Variants in NCKAP5 observed in about 807,000 individuals in gnomAD.
NCKAP5 encodes the protein nck-associated protein 5.
NCKAP5 carries 92 observed loss-of-function variants against 167.0 expected under a neutral mutation model. The observed-to-expected ratio is 0.55, with a 90% CI of 0.47 to 0.66. The LOEUF is 0.66. NCKAP5 is among the 30% of genes least tolerant of loss of function. NCKAP5 has a pLI of 0.00. For missense variants in NCKAP5, 2,378 were observed against 2,315.0 expected (o/e 1.03, Z -0.56); for synonymous variants, 891 against 877.4 (o/e 1.02, Z -0.27).
chr2:133,537,355 G>A (rs866913611), intron 2 of NCKAP5, among the ~76,000 whole-genome samples: 1 of 152,024 alleles, frequency 6.6e-6, no homozygotes, highest in African/African-American at 2.4e-5. Context: ...AAATCCAACT[G>A]GGAGATTGCA....
chr2:133,583,814 C>T, the NCKAP5 span, among the ~76,000 whole-genome samples: 2 of 151,986 alleles, frequency 1.3e-5, no homozygotes, highest in Non-Finnish European at 2.9e-5. Flanking sequence ...AATGTAGTGG[C>T]GCGATCTCAG....
intron 3 of NCKAP5, among the ~76,000 whole-genome samples, chr2:133,440,372 C>A (rs912934894): frequency 6.6e-6 from 1 of 152,074 alleles, no homozygotes; most frequent in African/African-American, 2.4e-5. Flanking sequence ...AGTAGGAGCT[C>A]CATCCACAGT....
chr2:132,785,395 T>C lies in NCKAP5; in HGVS notation c.1416A>G (p.Leu472=). ...KEPHKTFVYD[L]DSHVDADDDP... ...CATCGTCCGCATCAACGTGGGAATC[T>C]AGATCATAAACAAATGTCTTGTGGG... Residue 472 remains leucine, a synonymous_variant, in exon 14 of 20, where the codon CTA becomes CTG. Coordinates refer to ENST00000409261, the MANE Select transcript of NCKAP5 (RefSeq NM_207363.3). 2 of 1,613,980 alleles carry C rather than the reference T, an allele frequency of 1.2e-6. No homozygotes were observed. The highest frequency in any genetic ancestry group is 2.2e-5 in the East Asian group (1 of 44,880).
At chr2:133,124,005 G>A (rs1196671703) in intron 6 of NCKAP5, among the ~76,000 whole-genome samples, 1 of 152,160 alleles carries the variant, frequency 6.6e-6, no homozygotes, top group African/African-American at 2.4e-5. Flanking sequence ...ATGAATGAAC[G>A]AGTTAAGCGG....
At chr2:133,003,965 A>G (rs2077873795) in intron 6 of NCKAP5, among the ~76,000 whole-genome samples, 1 of 152,210 alleles carries the variant, frequency 6.6e-6, no homozygotes, top group Non-Finnish European at 1.5e-5. Flanking sequence ...AGGGAAGCAG[A>G]GATGGGCACT....
At chr2:133,147,468 G>T (rs1218950804) in intron 5 of NCKAP5, among the ~76,000 whole-genome samples, 1 of 152,122 alleles carries the variant, frequency 6.6e-6, no homozygotes, top group Non-Finnish European at 1.5e-5. Context: ...AATAATTGTT[G>T]AATGATATGA....
intron 8 of NCKAP5, among the ~76,000 whole-genome samples, chr2:132,915,307 C>A (rs1250648127): frequency 6.6e-6 from 1 of 151,980 alleles, no homozygotes; most frequent in East Asian, 1.9e-4. Flanking sequence ...TGCTGCATGG[C>A]CTGACCTGGT....
intron 6 of NCKAP5, among the ~76,000 whole-genome samples, chr2:133,094,321 A>G (rs796087263): frequency 5.3e-5 from 8 of 152,310 alleles, no homozygotes; most frequent in African/African-American, 1.9e-4. Context: ...AGGGAGCCGG[A>G]GGGTTTGATC....
intron 3 of NCKAP5, among the ~76,000 whole-genome samples, chr2:133,403,739 A>G (rs1461321824): frequency 6.6e-6 from 1 of 152,212 alleles, no homozygotes; most frequent in African/African-American, 2.4e-5. Context: ...TCCAAGTCCC[A>G]TCTCATTCCA....
At chr2:133,670,850 G>C in the NCKAP5 span, among the ~76,000 whole-genome samples, 1 of 152,164 alleles carries the variant, frequency 6.6e-6, no homozygotes, top group Non-Finnish European at 1.5e-5. Flanking sequence ...GTTCCTGCCA[G>C]AGGTGTCAGG....
intron 4 of NCKAP5, among the ~76,000 whole-genome samples, chr2:133,215,713 TA>T (rs562094868): frequency 2.0e-4 from 31 of 152,138 alleles, no homozygotes; most frequent in Non-Finnish European, 3.5e-4. Flanking sequence ...CAGAAGCAAG[TA>T]CAAAATGTAT....
chr2:132,786,268 A>G (rs1683560944), intron 13 of NCKAP5, among the ~76,000 whole-genome samples: 1 of 152,218 alleles, frequency 6.6e-6, no homozygotes, highest in Admixed American at 6.5e-5. Flanking sequence ...GAATGACTAG[A>G]AGATGATATG....
At chr2:133,381,113 C>A (rs1237829013) in intron 3 of NCKAP5, among the ~76,000 whole-genome samples, 1 of 152,178 alleles carries the variant, frequency 6.6e-6, no homozygotes, top group South Asian at 2.1e-4. Context: ...CTTGTTTTAA[C>A]CATCAGATAG....
chr2:132,749,409 G>T (rs1006000560), intron 16 of NCKAP5, among the ~76,000 whole-genome samples: 7 of 152,054 alleles, frequency 4.6e-5, no homozygotes, highest in African/African-American at 1.7e-4. Context: ...TTGTCATATT[G>T]CCCAGGCTGG....
chr2:133,585,389 A>T, the NCKAP5 span, among the ~76,000 whole-genome samples: 24 of 152,234 alleles, frequency 1.6e-4, no homozygotes, highest in Admixed American at 4.6e-4. Context: ...TCACTTAATG[A>T]CACAGATCAA....
At chr2:133,599,725 C>T in the NCKAP5 span, among the ~76,000 whole-genome samples, 1 of 152,198 alleles carries the variant, frequency 6.6e-6, no homozygotes, top group African/African-American at 2.4e-5. Flanking sequence ...GGGAGGCACA[C>T]CGAAGCCCTT....
intron 3 of NCKAP5, among the ~76,000 whole-genome samples, chr2:133,377,176 C>T (rs1486012641): frequency 6.6e-6 from 1 of 152,156 alleles, no homozygotes; most frequent in Admixed American, 6.5e-5. Flanking sequence ...ACCAGACACC[C>T]ATATACAGCT....
chr2:133,362,304 C>A (rs1026063637), intron 3 of NCKAP5, among the ~76,000 whole-genome samples: 1 of 152,172 alleles, frequency 6.6e-6, no homozygotes, highest in Admixed American at 6.5e-5. Context: ...GGGAGATCAG[C>A]AAACTGCTTT....
intron 19 of NCKAP5, among the ~76,000 whole-genome samples, chr2:132,720,904 A>G (rs540674623): frequency 6.6e-6 from 1 of 152,146 alleles, no homozygotes; most frequent in African/African-American, 2.4e-5. Context: ...TCAGCTACTC[A>G]GGAGGCTGAA....
Sources: gnomAD v4.1 joint callset for allele counts (sites outside exome capture counted in the v4.1 genomes callset) on GRCh38, gnomAD v4.1.1 for gene constraint, MANE v1.5 for transcripts, NCBI Gene and HGNC (gene_info 2026-07-23, HGNC 2026-07-21) for gene names.